KSR2: variants seen among roughly 807,000 people sequenced by gnomAD.
The protein encoded by KSR2 is kinase suppressor of ras 2.
A neutral mutation model predicts 107.8 loss-of-function variants in KSR2; 25 were observed. The ratio of observed to expected loss-of-function variants is 0.23; its 90% CI spans 0.17 to 0.32. The LOEUF is 0.32. Ranked by LOEUF, KSR2 falls within the 10% of genes least tolerant of loss-of-function variation. KSR2 has a pLI of 1.00. For synonymous variants in KSR2, 480 were observed against 507.0 expected, an observed-to-expected ratio of 0.95 and a Z score of 0.71; for missense variants, 887 against 1,268.9, an observed-to-expected ratio of 0.70 and a Z score of 4.57.
intron 1 of KSR2, among the ~76,000 whole-genome samples, chr12:117,911,887 C>T (rs902083863): frequency 1.2e-4 from 18 of 152,324 alleles, no homozygotes; most frequent in Admixed American, 5.9e-4. Flanking sequence ...TATGCGTCTC[C>T]GGGCCAGGAG....
At chr12:117,769,370 C>T (rs906270601) in intron 3 of KSR2, among the ~76,000 whole-genome samples, 2 of 152,080 alleles carry the variant, frequency 1.3e-5, no homozygotes, top group Admixed American at 1.3e-4. Context: ...GGATCATGAG[C>T]CTGTCACTCA....
intron 5 of KSR2, among the ~76,000 whole-genome samples, chr12:117,588,796 T>C (rs531000583): frequency 1.3e-5 from 2 of 152,378 alleles, no homozygotes; most frequent in South Asian, 4.1e-4. Context: ...GACAACCCCA[T>C]GAGCTTCAGT....
chr12:117,556,652 A>C (rs1877715076), intron 8 of KSR2, among the ~76,000 whole-genome samples: 1 of 152,104 alleles, frequency 6.6e-6, no homozygotes, highest in African/African-American at 2.4e-5. Context: ...ATTCTAAATT[A>C]GGGCAGATTC....
At chr12:117,950,487 C>T (rs1200522338) in intron 1 of KSR2, among the ~76,000 whole-genome samples, 1 of 151,960 alleles carries the variant, frequency 6.6e-6, no homozygotes, top group Non-Finnish European at 1.5e-5. Flanking sequence ...GTAATCCTAG[C>T]ACTTTGAGAG....
At chr12:117,528,115 T>C (rs1875348071) in intron 12 of KSR2, among the ~76,000 whole-genome samples, 1 of 152,036 alleles carries the variant, frequency 6.6e-6, no homozygotes, top group Admixed American at 6.6e-5. Context: ...TGGGATGTGC[T>C]TTGTGCAGGG....
intron 9 of KSR2, among the ~76,000 whole-genome samples, chr12:117,551,094 A>G (rs1877270867): frequency 6.6e-6 from 1 of 152,038 alleles, no homozygotes; most frequent in East Asian, 1.9e-4. Context: ...CTCTGCCACT[A>G]CTGCAGATGG....
rs749459929 is a variant in KSR2, at chr12:117,466,100, A to C, written c.*1099T>G. 1 of 152,236 alleles carries C rather than the reference A, an allele frequency of 6.6e-6. No individual in the cohort carries two copies. The highest frequency in any genetic ancestry group is 1.5e-5 in the Non-Finnish European group (1 of 68,064). The allele number at this position is 152,236 out of a possible 1,614,324, so 9.4% of individuals were successfully genotyped here. The stretch of plus-strand genomic sequence containing the variant: ...AGAGCAAAGAACGCAGAAGTGTAAC[A>C]AACATCCTCCCTTTGTGCTCCCCCA... On this transcript the variant is annotated 3_prime_UTR_variant, in exon 20 of 20. Transcript: ENST00000339824.
chr12:117,598,136 C>T (rs1439964289), intron 5 of KSR2, among the ~76,000 whole-genome samples: 1 of 152,194 alleles, frequency 6.6e-6, no homozygotes, highest in Non-Finnish European at 1.5e-5. Context: ...CCTCAGCTCC[C>T]TCCCATTCCC....
chr12:117,615,257 A>G (rs1881811373), intron 5 of KSR2, among the ~76,000 whole-genome samples: 1 of 135,714 alleles, frequency 7.4e-6, no homozygotes, highest in Non-Finnish European at 1.6e-5. Flanking sequence ...ACACACACAC[A>G]TCAGATTCCT....
At position 117,760,982 on chromosome 12, in the gene KSR2, G is replaced by A. The variant is rs748963954; in HGVS notation, c.986+29C>T. The A allele has an allele frequency of 5.6e-6, 9 of 1,611,426 alleles. No individual in the cohort carries two copies. In the African/African-American group the frequency reaches 8.0e-5, roughly 14 times the overall value. The stretch of plus-strand genomic sequence containing the variant: ...GCCCCTCGCAGGCCGGGTTTCGACC[G>A]CCCCAGGGCACCCACCGATCGCACT... On this transcript the variant is annotated intron_variant, in intron 4 of 19. Transcript: ENST00000339824.
In KSR2 at chr12:117,968,257, G is replaced by T; in HGVS notation, c.-2C>A. 6.9e-7 allele frequency: 1 copy of T among 1,445,342 alleles called. No individual in the cohort carries two copies. Among genetic ancestry groups the T allele is most frequent in the Non-Finnish European group, 9.2e-7 (1 of 1,084,160 alleles). The allele number at this position is 1,445,342 out of a possible 1,614,324, so 89.5% of individuals were successfully genotyped here. ...TTTCGTCATGTTTTCCTCATCCATC[G>T]CTTGCTCTGCAACCCCCTTCCCCTC... On this transcript the variant is annotated 5_prime_UTR_variant, in exon 1 of 20. Transcript: ENST00000339824.
chr12:117,964,742 G>A (rs1222297565), intron 1 of KSR2, among the ~76,000 whole-genome samples: 1 of 152,126 alleles, frequency 6.6e-6, no homozygotes. Flanking sequence ...TTTAATTATT[G>A]CTGTTTTGCC....
intron 14 of KSR2, among the ~76,000 whole-genome samples, chr12:117,522,475 T>C (rs1874821116): frequency 6.6e-6 from 1 of 152,092 alleles, no homozygotes; most frequent in Admixed American, 6.5e-5. Context: ...TATTGACTGC[T>C]GCTAAAAGAT....
At chr12:117,564,416 G>A (rs1000173527) in intron 7 of KSR2, among the ~76,000 whole-genome samples, 1 of 152,212 alleles carries the variant, frequency 6.6e-6, no homozygotes, top group Admixed American at 6.5e-5. Flanking sequence ...CACCAAATAG[G>A]TCAACGCTTT....
At chr12:117,967,173 A>C (rs942901865) in intron 1 of KSR2, among the ~76,000 whole-genome samples, 3 of 150,540 alleles carry the variant, frequency 2.0e-5, no homozygotes, top group African/African-American at 7.4e-5. Context: ...CCTTCAGAAA[A>C]AAATAATTTC....
intron 14 of KSR2, among the ~76,000 whole-genome samples, chr12:117,493,878 T>C (rs112732272): frequency 6.6e-6 from 1 of 152,138 alleles, no homozygotes; most frequent in Non-Finnish European, 1.5e-5. Flanking sequence ...GTTTCTGCTT[T>C]TGCTTCTTCC....
intron 3 of KSR2, among the ~76,000 whole-genome samples, chr12:117,817,587 T>C (rs575690611): frequency 1.3e-5 from 2 of 152,254 alleles, no homozygotes; most frequent in South Asian, 4.1e-4. Context: ...CTCATGATAA[T>C]ATTACCTGAT....
chr12:117,577,172 C>T (rs924759349), intron 7 of KSR2, among the ~76,000 whole-genome samples: 16 of 152,184 alleles, frequency 1.1e-4, no homozygotes, highest in Admixed American at 5.2e-4. Flanking sequence ...TGAGAGGCCT[C>T]TGCCTGGACT....
intron 14 of KSR2, among the ~76,000 whole-genome samples, chr12:117,503,407 C>A (rs1259483552): frequency 1.3e-5 from 2 of 152,124 alleles, no homozygotes; most frequent in African/African-American, 4.8e-5. Context: ...CTGGCCCTGG[C>A]CAGTGAAAAG....
Sources: gnomAD v4.1 joint callset for allele counts (sites outside exome capture counted in the v4.1 genomes callset) on GRCh38, gnomAD v4.1.1 for gene constraint, MANE v1.5 for transcripts, NCBI Gene and HGNC (gene_info 2026-07-23, HGNC 2026-07-21) for gene names.